TENM1: variants seen among roughly 807,000 people sequenced by gnomAD.
TENM1 encodes the protein teneurin transmembrane protein 1, also known as teneurin-1.
A neutral mutation model predicts 174.8 loss-of-function variants in TENM1; 35 were observed. The ratio of observed to expected loss-of-function variants is 0.20; its 90% CI spans 0.15 to 0.27. TENM1 has a LOEUF of 0.27. TENM1 is among the 10% of genes least tolerant of loss of function. TENM1 has a pLI of 1.00. For synonymous variants in TENM1, 781 were observed against 798.7 expected (o/e 0.98, Z 0.37); for missense variants, 1,633 against 2,130.1 (o/e 0.77, Z 4.59).
chrX:124,709,657 G>A (rs1473789274), intron 4 of TENM1, among the ~76,000 whole-genome samples: 1 of 109,536 alleles, frequency 9.1e-6, no homozygotes, highest in Non-Finnish European at 1.9e-5. Flanking sequence ...CTGAAATCTG[G>A]GGCTTCCAAA....
At chrX:124,850,654 C>A (rs940158665) in intron 3 of TENM1, among the ~76,000 whole-genome samples, 3 of 110,751 alleles carry the variant, frequency 2.7e-5, no homozygotes, top group Non-Finnish European at 5.7e-5. Context: ...AAGGCAGAAA[C>A]GGTGTCATGA....
chrX:125,050,231 T>C, the TENM1 span, among the ~76,000 whole-genome samples: 1 of 109,656 alleles, frequency 9.1e-6, no homozygotes, highest in Admixed American at 9.8e-5. Flanking sequence ...TACATATGTA[T>C]ACATGTGCCA....
At chrX:124,771,987 G>A (rs935105829) in intron 3 of TENM1, among the ~76,000 whole-genome samples, 4 of 111,911 alleles carry the variant, frequency 3.6e-5, no homozygotes, top group South Asian at 7.4e-4. Flanking sequence ...CTGTATGAAT[G>A]TTAGTCACTA....
chrX:124,998,186 T>C, the TENM1 span, among the ~76,000 whole-genome samples: 4 of 110,115 alleles, frequency 3.6e-5, no homozygotes, highest in South Asian at 1.2e-3. Flanking sequence ...GATATTGTTG[T>C]TATTTATTAA....
the TENM1 span, among the ~76,000 whole-genome samples, chrX:125,138,472 C>G: frequency 1.3e-4 from 14 of 111,632 alleles, no homozygotes; most frequent in East Asian, 3.9e-3. Context: ...GTTGCCCTCT[C>G]ATTGTGTCTT....
the TENM1 span, among the ~76,000 whole-genome samples, chrX:125,196,675 G>C: frequency 8.9e-6 from 1 of 111,921 alleles, no homozygotes; most frequent in Non-Finnish European, 1.9e-5. Context: ...TGTAGTTATA[G>C]TGTATTTATA....
At chrX:124,890,986 T>A (rs762349391) in intron 3 of TENM1, among the ~76,000 whole-genome samples, 1 of 112,020 alleles carries the variant, frequency 8.9e-6, no homozygotes, top group South Asian at 3.7e-4. Context: ...TGAAATCTTG[T>A]CATTTGCAAC....
At chrX:125,174,216 G>C in the TENM1 span, among the ~76,000 whole-genome samples, 2 of 111,379 alleles carry the variant, frequency 1.8e-5, no homozygotes, top group African/African-American at 6.5e-5. Context: ...GTGGCAAGAG[G>C]TTGGAGACAT....
chrX:124,379,307 G>GC (rs1439851431), exon 32 of TENM1: 1 of 112,502 alleles, frequency 8.9e-6, no homozygotes, highest in Non-Finnish European at 1.9e-5. Context: ...AAATGAGTCT[G>GC]CCTCTCTATA....
At chrX:124,477,961 A>C (rs1426777766) in intron 22 of TENM1, among the ~76,000 whole-genome samples, 3 of 103,836 alleles carry the variant, frequency 2.9e-5, no homozygotes, top group African/African-American at 4.3e-5. Context: ...TCTTCTGTAC[A>C]ATGTGACTAA....
the TENM1 span, among the ~76,000 whole-genome samples, chrX:125,067,041 A>G: frequency 5.4e-5 from 6 of 111,234 alleles, no homozygotes; most frequent in East Asian, 1.7e-3. Flanking sequence ...AGGCTCTATA[A>G]GACAGGAGTG....
At chrX:124,443,189 C>T (rs768883055) in intron 23 of TENM1, among the ~76,000 whole-genome samples, 84 of 108,011 alleles carry the variant, frequency 7.8e-4, no homozygotes, top group Middle Eastern at 4.7e-3. Flanking sequence ...CTGCATATTA[C>T]CCCTTCTACA....
chrX:124,856,063 T>C (rs1266992559), intron 3 of TENM1, among the ~76,000 whole-genome samples: 2 of 110,626 alleles, frequency 1.8e-5, no homozygotes, highest in African/African-American at 6.6e-5. Flanking sequence ...CACCAACACA[T>C]GTAATATTAT....
chrX:124,953,481 A>C lies in TENM1; in HGVS notation c.217+10056T>G, dbSNP rs551044266. Reference sequence around the variant, plus strand: ...ATCTATTGTGTTAGCCATGATATCTATTCAGATTATCTTACTGACCCGTGT... The same window carrying C: ...ATCTATTGTGTTAGCCATGATATCTCTTCAGATTATCTTACTGACCCGTGT... On this transcript the variant is annotated intron_variant, in intron 1 of 31. Transcript: ENST00000422452. Among the ~76,000 whole-genome samples the C allele has an allele frequency of 2.7e-5, 3 of 111,719 alleles. No individual in the cohort carries two copies. In the South Asian group the frequency reaches 1.1e-3, roughly 42 times the overall value.
chrX:124,763,004 C>G (rs965451882), intron 3 of TENM1, among the ~76,000 whole-genome samples: 1 of 111,707 alleles, frequency 9.0e-6, no homozygotes, highest in Non-Finnish European at 1.9e-5. Context: ...AACCCTTCTT[C>G]CTCTTCCCCT....
At chrX:125,049,195 T>C in the TENM1 span, among the ~76,000 whole-genome samples, 1 of 111,608 alleles carries the variant, frequency 9.0e-6, no homozygotes, top group South Asian at 3.7e-4. Context: ...TTCCAAAACA[T>C]TCCCATCACC....
chrX:124,748,364 A>T (rs2148573008), intron 3 of TENM1, among the ~76,000 whole-genome samples: 1 of 109,736 alleles, frequency 9.1e-6, no homozygotes, highest in Non-Finnish European at 1.9e-5. Context: ...ATAGAGAGAG[A>T]GATTATATAT....
chrX:125,148,475 C>A, the TENM1 span, among the ~76,000 whole-genome samples: 1 of 111,343 alleles, frequency 9.0e-6, no homozygotes, highest in Non-Finnish European at 1.9e-5. Context: ...CGAGTTATTC[C>A]TTCTTCTCTG....
At chrX:124,667,839 A>C (rs917053233) in intron 6 of TENM1, among the ~76,000 whole-genome samples, 1 of 109,277 alleles carries the variant, frequency 9.2e-6, no homozygotes, top group African/African-American at 3.4e-5. Flanking sequence ...TGGTGAGAAA[A>C]TTCTGTTTTC....
Sources: gnomAD v4.1 joint callset for allele counts (sites outside exome capture counted in the v4.1 genomes callset) on GRCh38, gnomAD v4.1.1 for gene constraint, MANE v1.5 for transcripts, NCBI Gene and HGNC (gene_info 2026-07-23, HGNC 2026-07-21) for gene names.